COG5: variants seen among roughly 807,000 people sequenced by gnomAD.
COG5 encodes conserved oligomeric Golgi complex subunit 5.
Under a neutral mutation model 110.4 loss-of-function variants are expected in COG5, and 86 were observed. The ratio of observed to expected loss-of-function variants is 0.78; its 90% CI spans 0.65 to 0.93. COG5 has a LOEUF of 0.93. Ranked by LOEUF, COG5 falls within the 40% of genes least tolerant of loss-of-function variation. The pLI is 0.00. For missense variants in COG5, 1,077 were observed against 987.0 expected, an observed-to-expected ratio of 1.09 and a Z score of -1.22; for synonymous variants, 360 against 334.6, an observed-to-expected ratio of 1.08 and a Z score of -0.83.
intron 7 of COG5, among the ~76,000 whole-genome samples, chr7:107,408,377 A>G (rs980425267): frequency 6.6e-5 from 10 of 152,248 alleles, no homozygotes; most frequent in African/African-American, 2.4e-4. Flanking sequence ...GCTCCACAGC[A>G]GCTAACAAAC....
intron 11 of COG5, among the ~76,000 whole-genome samples, chr7:107,304,799 C>T (rs1348010452): frequency 2.0e-5 from 3 of 152,194 alleles, no homozygotes; most frequent in Non-Finnish European, 4.4e-5. Flanking sequence ...CTCTGCCAAC[C>T]TTCAGATGCC....
chr7:107,473,907 A>G lies in COG5; in HGVS notation c.538+53330T>C, dbSNP rs1796807173. 1.8e-5 allele frequency: 9 copies of G among 512,920 alleles called. No individual in the cohort carries two copies. The South Asian group carries it at 3.4e-4, about 19-fold the overall frequency. The allele number at this position is 512,920 out of a possible 1,614,324, so 31.8% of individuals were successfully genotyped here. A position where few individuals can be genotyped will look rare whatever the true frequency, so the allele number is the denominator to read the frequency against. ...GATGGTTCTTAATTCTACATTTTCT[A>G]TTAATAGTTTACAAACTTAAAAATT... On this transcript the variant is annotated intron_variant, in intron 6 of 21. Transcript: ENST00000297135.
intron 19 of COG5, among the ~76,000 whole-genome samples, chr7:107,229,732 C>T (rs1800628496): frequency 6.6e-6 from 1 of 151,258 alleles, no homozygotes; most frequent in Non-Finnish European, 1.5e-5. Flanking sequence ...GATTTCTCCG[C>T]TCAGTACTAA....
chr7:107,219,652 A>G (rs1799764928), intron 19 of COG5, among the ~76,000 whole-genome samples: 1 of 152,130 alleles, frequency 6.6e-6, no homozygotes, highest in South Asian at 2.1e-4. Context: ...AGAGGCAGAG[A>G]ACAGAATGGT....
At chr7:107,530,732 A>ATGTATATGT (rs1479240643) in intron 5 of COG5, among the ~76,000 whole-genome samples, 1 of 152,062 alleles carries the variant, frequency 6.6e-6, no homozygotes, top group East Asian at 1.9e-4. Context: ...ATCCTTAGTT[A>ATGTATATGT]ATAAGTCTAA....
intron 6 of COG5, among the ~76,000 whole-genome samples, chr7:107,419,715 C>T (rs1397131085): frequency 1.3e-5 from 2 of 151,994 alleles, no homozygotes; most frequent in Non-Finnish European, 1.5e-5. Flanking sequence ...TTACAGGCAT[C>T]TACCACCATG....
chr7:107,548,863 G>A (rs1032536551), intron 3 of COG5, among the ~76,000 whole-genome samples: 6 of 152,214 alleles, frequency 3.9e-5, no homozygotes, highest in Admixed American at 2.6e-4. Context: ...ATATTTCCAG[G>A]AAGATCAAGC....
At chr7:107,402,129 G>A (rs1194003048) in intron 7 of COG5, among the ~76,000 whole-genome samples, 1 of 152,054 alleles carries the variant, frequency 6.6e-6, no homozygotes, top group Admixed American at 6.5e-5. Flanking sequence ...AGAGTAGCTA[G>A]GTCTAGGTCT....
At chr7:107,304,397 G>T (rs1421352656) in intron 11 of COG5, among the ~76,000 whole-genome samples, 1 of 152,028 alleles carries the variant, frequency 6.6e-6, no homozygotes, top group Admixed American at 6.6e-5. Flanking sequence ...AATGAAAGCA[G>T]GGTTATTATT....
intron 7 of COG5, among the ~76,000 whole-genome samples, chr7:107,405,136 AT>A: frequency 6.6e-6 from 1 of 152,326 alleles, no homozygotes; most frequent in Middle Eastern, 3.4e-3. Flanking sequence ...TCATGATTCT[AT>A]TACTTGCCAG....
intron 19 of COG5, among the ~76,000 whole-genome samples, chr7:107,217,158 T>C (rs1799588219): frequency 6.6e-6 from 1 of 151,894 alleles, no homozygotes; most frequent in Non-Finnish European, 1.5e-5. Flanking sequence ...TATAATCTAC[T>C]AACACTGAAT....
Position 107,298,310 on chromosome 7 carries a change from T to C in COG5, c.1145A>G (p.Tyr382Cys). 6.2e-7 allele frequency: 1 copy of C among 1,613,650 alleles called. No homozygotes were observed. Among genetic ancestry groups the C allele is most frequent in the Non-Finnish European group, 8.5e-7 (1 of 1,179,784 alleles). ...MFLKQAFEGEYPKLLRLYNDL... is the reference protein window; with the variant it reads ...MFLKQAFEGECPKLLRLYNDL... ...ATTATAAAGACGTAATAATTTAGGG[T>C]ATTCTCCTTCAAATGCCTGCTTCAA... Residue 382 changes from tyrosine (Y) to cysteine (C), a missense_variant, in exon 12 of 22, where the codon TAC (tyrosine) becomes TGC (cysteine). Physicochemically the swap from Tyr to Cys is radical, Grantham distance 194 (BLOSUM62 -2). Coordinates refer to ENST00000297135, the MANE Select transcript of COG5 (RefSeq NM_006348.5).
rs571272003 is a variant in COG5, at chr7:107,313,272, T to C, written c.1108+11168A>G. Among the ~76,000 whole-genome samples, 205 of 152,260 alleles carry C rather than the reference T, an allele frequency of 1.3e-3. 1 individual carries two copies. Among genetic ancestry groups the C allele is most frequent in the Non-Finnish European group, 2.2e-3 (151 of 68,012 alleles). Reference sequence around the variant, plus strand: ...GAATGAAAGGCAAACTGAGTGTTTATTAAAACTGCACCTGCCCCACACCAA... The same window carrying C: ...GAATGAAAGGCAAACTGAGTGTTTACTAAAACTGCACCTGCCCCACACCAA... On this transcript the variant is annotated intron_variant, in intron 11 of 21. Transcript: ENST00000297135.
At chr7:107,350,916 A>G (rs1812079568) in intron 10 of COG5, among the ~76,000 whole-genome samples, 1 of 152,156 alleles carries the variant, frequency 6.6e-6, no homozygotes, top group Admixed American at 6.5e-5. Context: ...TACAGGTTCA[A>G]CTATTTTATC....
intron 11 of COG5, among the ~76,000 whole-genome samples, chr7:107,321,461 C>G (rs1259350319): frequency 6.6e-6 from 1 of 152,036 alleles, no homozygotes; most frequent in African/African-American, 2.4e-5. Flanking sequence ...TTCTGAAACA[C>G]ATATGGAAAT....
At chr7:107,297,125 C>G (rs189182335) in intron 12 of COG5, among the ~76,000 whole-genome samples, 105 of 152,272 alleles carry the variant, frequency 6.9e-4, no homozygotes, top group African/African-American at 2.5e-3. Context: ...GTAATTTTAA[C>G]TATACAGTTG....
intron 6 of COG5, chr7:107,473,895 TCTA>T (rs1796806195): frequency 4.1e-6 from 2 of 491,642 alleles, no homozygotes; most frequent in African/African-American, 3.9e-5. Flanking sequence ...GGTTCTTAAT[TCTA>T]CATTTTCTAT....
intron 11 of COG5, among the ~76,000 whole-genome samples, chr7:107,323,182 C>T (rs1254997016): frequency 6.6e-6 from 1 of 152,012 alleles, no homozygotes; most frequent in Non-Finnish European, 1.5e-5. Context: ...AAACAAAAAC[C>T]AAGGAAATAT....
At chr7:107,274,130 G>A (rs1804499427) in intron 14 of COG5, among the ~76,000 whole-genome samples, 1 of 151,958 alleles carries the variant, frequency 6.6e-6, no homozygotes, top group Admixed American at 6.6e-5. Flanking sequence ...CCATCTTTGG[G>A]AATAAAAATA....
Sources: gnomAD v4.1 joint callset for allele counts (sites outside exome capture counted in the v4.1 genomes callset) on GRCh38, gnomAD v4.1.1 for gene constraint, MANE v1.5 for transcripts, NCBI Gene and HGNC (gene_info 2026-07-23, HGNC 2026-07-21) for gene names.